ZCCHC24: variants seen among roughly 807,000 people sequenced by gnomAD.
ZCCHC24 encodes zinc finger CCHC domain-containing protein 24.
ZCCHC24 carries 10 observed loss-of-function variants against 26.2 expected under a neutral mutation model. That is an observed-to-expected ratio of 0.38 (90% CI 0.24 to 0.65). ZCCHC24 has a LOEUF of 0.65. ZCCHC24 is among the 30% of genes least tolerant of loss of function. The probability of loss-of-function intolerance (pLI) is 0.54; values close to 1 mark genes in which losing one functional copy is unlikely to be tolerated. For missense variants in ZCCHC24, 243 were observed against 329.1 expected (o/e 0.74, Z 2.03); for synonymous variants, 144 against 147.1 (o/e 0.98, Z 0.15).
intron 1 of ZCCHC24, among the ~76,000 whole-genome samples, chr10:79,438,495 C>T (rs756534065): frequency 3.3e-5 from 5 of 152,174 alleles, no homozygotes; most frequent in Non-Finnish European, 7.3e-5. Context: ...CTGTGCTCAG[C>T]CCCTGGCTCT....
At chr10:79,389,528 T>TTGTGTGTG (rs1564631249) in intron 3 of ZCCHC24, among the ~76,000 whole-genome samples, 1 of 65,200 alleles carries the variant, frequency 1.5e-5, no homozygotes, top group African/African-American at 6.3e-5. Context: ...GACTTTTTCC[T>TTGTGTGTG]AGTGTGTGTG....
chr10:79,413,462 G>C (rs12780413), intron 2 of ZCCHC24, among the ~76,000 whole-genome samples: 5,082 of 152,332 alleles, frequency 0.033, 138 homozygotes, highest in Middle Eastern at 0.099. Context: ...GAGGTCATGC[G>C]GGGGCAGGGG....
intron 1 of ZCCHC24, among the ~76,000 whole-genome samples, chr10:79,435,805 C>T (rs191400138): frequency 6.6e-6 from 1 of 152,346 alleles, no homozygotes; most frequent in African/African-American, 2.4e-5. Flanking sequence ...GAGCTGCTTC[C>T]TCTCTGAGGC....
At position 79,445,255 on chromosome 10, in the gene ZCCHC24, C is replaced by A. The variant is rs763005191; in HGVS notation, c.186G>T (p.Gln62His). ...AGCTGGAGTGCAGGGGCGAGCCCAG[C>A]TGCTCGGGGCGGCCCTTGCCGAAGG... ...ELAFGKGRPE[Q>H]LGSPLHSSYL... The change falls in exon 1 of 4, where the codon CAG (glutamine) becomes CAT (histidine). Residue 62 changes from glutamine (Q) to histidine (H), a missense_variant. By Grantham distance (24) the Gln-to-His change is conservative (BLOSUM62 0). Coordinates refer to ENST00000372336, the MANE Select transcript of ZCCHC24 (RefSeq NM_153367.4). 2.1e-6 allele frequency: 3 copies of A among 1,418,826 alleles called. No homozygotes were observed. The highest frequency in any genetic ancestry group is 2.8e-6 in the Non-Finnish European group (3 of 1,081,784). 87.9% of individuals were successfully genotyped at this position (1,418,826 alleles called of 1,614,324 possible).
intron 2 of ZCCHC24, among the ~76,000 whole-genome samples, chr10:79,431,362 G>A (rs1028963143): frequency 6.6e-6 from 1 of 152,196 alleles, no homozygotes; most frequent in East Asian, 1.9e-4. Context: ...TGTATATTGA[G>A]GGGGAGGACA....
intron 2 of ZCCHC24, among the ~76,000 whole-genome samples, chr10:79,412,929 A>AT (rs1856811582): frequency 6.6e-6 from 1 of 152,012 alleles, no homozygotes; most frequent in South Asian, 2.1e-4. Flanking sequence ...GCCACCATCA[A>AT]CATCATCATC....
chr10:79,414,738 TA>T (rs1175602320), intron 2 of ZCCHC24, among the ~76,000 whole-genome samples: 1 of 152,186 alleles, frequency 6.6e-6, no homozygotes, highest in East Asian at 1.9e-4. Flanking sequence ...CCTGGGGAGC[TA>T]GGAATATGCC....
chr10:79,391,546 C>T (rs531301788), intron 3 of ZCCHC24, among the ~76,000 whole-genome samples: 1 of 152,040 alleles, frequency 6.6e-6, no homozygotes, highest in Admixed American at 6.5e-5. Flanking sequence ...AGGACCCAGC[C>T]CCCAGGACTG....
At chr10:79,437,150 T>G (rs1317591520) in intron 1 of ZCCHC24, among the ~76,000 whole-genome samples, 3 of 152,096 alleles carry the variant, frequency 2.0e-5, no homozygotes, top group Non-Finnish European at 4.4e-5. Flanking sequence ...TGGGCTCAGG[T>G]GATTCTCCCA....
chr10:79,419,507 C>A (rs115439720), intron 2 of ZCCHC24, among the ~76,000 whole-genome samples: 2,248 of 152,288 alleles, frequency 0.015, 58 homozygotes, highest in African/African-American at 0.051. Flanking sequence ...CCAGCCAGAA[C>A]CTTCCCCGGA....
intron 1 of ZCCHC24, among the ~76,000 whole-genome samples, chr10:79,440,029 T>C (rs1394321546): frequency 6.6e-6 from 1 of 151,936 alleles, no homozygotes; most frequent in Non-Finnish European, 1.5e-5. Context: ...GGGGAGTGCT[T>C]GATGTTTTCA....
chr10:79,394,200 A>T, intron 3 of ZCCHC24, 76 bp downstream of exon 3: 1 of 1,544,904 alleles, frequency 6.5e-7, no homozygotes, highest in Admixed American at 1.8e-5. Context: ...TGTAGGAGGG[A>T]GTAAACTGAG....
At chr10:79,387,402 C>T (rs1036030909) in intron 3 of ZCCHC24, among the ~76,000 whole-genome samples, 1 of 152,212 alleles carries the variant, frequency 6.6e-6, no homozygotes, top group Admixed American at 6.5e-5. Context: ...CTTCCCTGCT[C>T]GCTCTTTTCC....
At chr10:79,399,405 C>T (rs913124392) in intron 2 of ZCCHC24, among the ~76,000 whole-genome samples, 2 of 152,228 alleles carry the variant, frequency 1.3e-5, no homozygotes, top group Admixed American at 6.5e-5. Flanking sequence ...GGGGCCACCA[C>T]CCGCCCGGCT....
At chr10:79,421,194 C>T (rs1022354595) in intron 2 of ZCCHC24, among the ~76,000 whole-genome samples, 2 of 152,196 alleles carry the variant, frequency 1.3e-5, no homozygotes, top group Non-Finnish European at 2.9e-5. Context: ...AGGCACGACA[C>T]CCCCAGCAAC....
chr10:79,432,588 G>T lies in ZCCHC24; in HGVS notation c.417C>A (p.Asn139Lys). ...PPNYLCHLCF[N>K]KGHYIKDCPQ... ...GGCAGTCCTTGATGTAGTGTCCTTTGTTGAAGCACAGGTGGCACAGGTAGT... is the reference window on the plus strand; with the variant it reads ...GGCAGTCCTTGATGTAGTGTCCTTTTTTGAAGCACAGGTGGCACAGGTAGT... The change falls in exon 2 of 4, where the codon AAC becomes AAA. Residue 139 changes from asparagine (N) to lysine (K), a missense_variant. Physicochemically the swap from Asn to Lys is moderately conservative, Grantham distance 94. Transcript: ENST00000372336. The T allele has an allele frequency of 6.2e-7, 1 of 1,604,324 alleles. No homozygotes were observed. Among genetic ancestry groups the T allele is most frequent in the South Asian group, 1.1e-5 (1 of 89,954 alleles).
intron 2 of ZCCHC24, among the ~76,000 whole-genome samples, chr10:79,398,193 A>G (rs1856573150): frequency 1.3e-5 from 2 of 152,128 alleles, no homozygotes; most frequent in East Asian, 1.9e-4. Flanking sequence ...ACGCCATTGC[A>G]TGGGATGTGG....
At chr10:79,431,600 G>T (rs1857130581) in intron 2 of ZCCHC24, among the ~76,000 whole-genome samples, 1 of 152,190 alleles carries the variant, frequency 6.6e-6, no homozygotes. Flanking sequence ...TCTGAGCAGG[G>T]TTTGGGAATG....
chr10:79,408,178 T>A (rs1856743995), intron 2 of ZCCHC24, among the ~76,000 whole-genome samples: 1 of 152,152 alleles, frequency 6.6e-6, no homozygotes, highest in African/African-American at 2.4e-5. Context: ...GCTACAGATG[T>A]GGAGGCTGGT....
Sources: gnomAD v4.1 joint callset for allele counts (sites outside exome capture counted in the v4.1 genomes callset) on GRCh38, gnomAD v4.1.1 for gene constraint, MANE v1.5 for transcripts, NCBI Gene and HGNC (gene_info 2026-07-23, HGNC 2026-07-21) for gene names.